The following ATP2B4 variants were observed in gnomAD, a reference collection of about 807,000 sequenced individuals.
ATP2B4 encodes the protein plasma membrane calcium-transporting ATPase 4.
Under a neutral mutation model 110.3 loss-of-function variants are expected in ATP2B4, and 39 were observed. The ratio of observed to expected loss-of-function variants is 0.35; its 90% confidence interval spans 0.27 to 0.46. The LOEUF is 0.46. Among genes scored for constraint, ATP2B4 ranks in the 20% least tolerant of loss-of-function variants. The pLI is 1.00. For synonymous variants in ATP2B4, 538 were observed against 571.7 expected (o/e 0.94, Z 0.84); for missense variants, 1,135 against 1,530.9 (o/e 0.74, Z 4.32).
chr1:203,688,551 C>T (rs539748104), intron 2 of ATP2B4, among the ~76,000 whole-genome samples: 226 of 152,142 alleles, frequency 1.5e-3, no homozygotes, highest in African/African-American at 5.3e-3. Flanking sequence ...ATCTGCCCAC[C>T]TTGGCCCCCC....
chr1:203,646,112 A>ATATACTGAGCC (rs1230355331), intron 1 of ATP2B4, among the ~76,000 whole-genome samples: 8 of 152,086 alleles, frequency 5.3e-5, no homozygotes, highest in Non-Finnish European at 1.2e-4. Context: ...AGGATCTCAC[A>ATATACTGAGCC]TATACTGAGC....
intron 2 of ATP2B4, among the ~76,000 whole-genome samples, chr1:203,686,900 G>A (rs1665209561): frequency 1.3e-5 from 2 of 150,554 alleles, no homozygotes; most frequent in Non-Finnish European, 3.0e-5. Flanking sequence ...TCATCATGTT[G>A]GCCAGGCTGG....
chr1:203,723,457 T>TCTCTCCCCCTCC lies in ATP2B4; in HGVS notation c.3025-421_3025-420insTCCCCCTCCCTC, dbSNP rs1407579331. Among the ~76,000 whole-genome samples the TCTCTCCCCCTCC allele has an allele frequency of 3.5e-5, 4 of 113,576 alleles. No individual in the cohort carries two copies. The East Asian group carries it at 1.1e-3, about 32-fold the overall frequency. The allele number at this position is 113,576 out of a possible 152,430, so 74.5% of individuals were successfully genotyped here. A position where few individuals can be genotyped will look rare whatever the true frequency, so the allele number is the denominator to read the frequency against. On this transcript the variant is annotated intron_variant, in intron 18 of 20. Transcript: ENST00000357681. Reference sequence around the variant, plus strand: ...CTCTCTCTCTCTCTCTCTCTCTCTCTCTCCCTCTGCCTCTCTCTCTCTCTC... The same window carrying TCTCTCCCCCTCC: ...CTCTCTCTCTCTCTCTCTCTCTCTCTCTCTCCCCCTCCCTCCCTCTGCCTCTCTCTCTCTCTC...
intron 1 of ATP2B4, among the ~76,000 whole-genome samples, chr1:203,669,823 C>A (rs755946370): frequency 6.6e-6 from 1 of 152,168 alleles, no homozygotes; most frequent in African/African-American, 2.4e-5. Context: ...TCATTAATTG[C>A]ACAGGTTAGG....
At chr1:203,685,710 C>T (rs1320130263) in intron 2 of ATP2B4, among the ~76,000 whole-genome samples, 7 of 152,118 alleles carry the variant, frequency 4.6e-5, no homozygotes, top group Admixed American at 3.3e-4. Context: ...CATTTACTAA[C>T]TAAGTAGCCC....
chr1:203,630,252 G>T (rs867771112), intron 1 of ATP2B4, among the ~76,000 whole-genome samples: 2 of 152,048 alleles, frequency 1.3e-5, no homozygotes, highest in African/African-American at 4.8e-5. Flanking sequence ...CGGGGTCTGG[G>T]CTGCTCCCTG....
At chr1:203,657,136 G>A in intron 1 of ATP2B4, 1 of 832,090 alleles carries the variant, frequency 1.2e-6, no homozygotes, top group Admixed American at 1.8e-5. Flanking sequence ...ATACGGTGGG[G>A]ATGAGGGATT....
chr1:203,733,371 T>C, intron 20 of ATP2B4: 1 of 1,614,036 alleles, frequency 6.2e-7, no homozygotes, highest in South Asian at 1.1e-5. Context: ...ACCACTTCTG[T>C]TCCTGCTGTT....
At chr1:203,733,704 C>A (rs942230723) in intron 20 of ATP2B4, 2 of 325,652 alleles carry the variant, frequency 6.1e-6, no homozygotes. Context: ...TTTTGCTTTG[C>A]CTTTTTTGTT....
chr1:203,731,872 GA>G (rs1666729390), intron 20 of ATP2B4, among the ~76,000 whole-genome samples: 1 of 88,428 alleles, frequency 1.1e-5, no homozygotes, highest in Non-Finnish European at 2.6e-5. Flanking sequence ...AAAAAAAAAG[GA>G]AGGAGGGAGG....
chr1:203,688,259 C>T (rs751460292), intron 2 of ATP2B4, among the ~76,000 whole-genome samples: 11 of 151,742 alleles, frequency 7.2e-5, no homozygotes, highest in Non-Finnish European at 1.5e-4. Flanking sequence ...GCTGGGATTA[C>T]AGGCATGAGC....
intron 2 of ATP2B4, among the ~76,000 whole-genome samples, chr1:203,697,030 T>C (rs1665554117): frequency 6.6e-6 from 1 of 152,206 alleles, no homozygotes; most frequent in South Asian, 2.1e-4. Flanking sequence ...CCTTTCTTGT[T>C]CTCTTTTTAT....
At chr1:203,645,820 A>C (rs1325570345) in intron 1 of ATP2B4, among the ~76,000 whole-genome samples, 1 of 151,442 alleles carries the variant, frequency 6.6e-6, no homozygotes, top group African/African-American at 2.4e-5. Context: ...TGAACTCCTG[A>C]CCTCGTGATC....
intron 20 of ATP2B4, chr1:203,733,412 T>C: frequency 6.2e-7 from 1 of 1,605,604 alleles, no homozygotes; most frequent in South Asian, 1.1e-5. Context: ...TGAGTGATAG[T>C]CTATTATGAT....
At chr1:203,678,578 A>AT (rs1664900417) in intron 1 of ATP2B4, among the ~76,000 whole-genome samples, 1 of 151,676 alleles carries the variant, frequency 6.6e-6, no homozygotes, top group Non-Finnish European at 1.5e-5. Flanking sequence ...TAATTTTTGT[A>AT]TTTTTTGTAG....
rs188847322 is a variant in ATP2B4 at position 203,684,205 on chromosome 1, A to G, written c.193+807A>G. Among the ~76,000 whole-genome samples the G allele has an allele frequency of 3.9e-5, 6 of 152,204 alleles. No homozygotes were observed. The East Asian group carries it at 7.7e-4, about 20-fold the overall frequency. Reference sequence around the variant, plus strand: ...CAGCTGCCCAATTGAGCACTTCTCTATTGTATACTGTTAGAAATGGGATGA... The same window carrying G: ...CAGCTGCCCAATTGAGCACTTCTCTGTTGTATACTGTTAGAAATGGGATGA... On this transcript the variant is annotated intron_variant, in intron 2 of 20. Coordinates refer to ENST00000357681, the MANE Select transcript of ATP2B4 (RefSeq NM_001684.5).
At position 203,739,621 on chromosome 1, in the gene ATP2B4, A is replaced by C; in HGVS notation, c.3385A>C (p.Ser1129Arg). 1.9e-6 allele frequency: 3 copies of C among 1,614,146 alleles called. No individual in the cohort carries two copies. Among genetic ancestry groups the C allele is most frequent in the Non-Finnish European group, 1.7e-6 (2 of 1,180,012 alleles). Residue 1129 changes from serine to arginine, a missense_variant, in exon 21 of 21, where the codon AGC becomes CGC. Ser to Arg is a moderately radical substitution (Grantham distance 110). Coordinates refer to ENST00000357681, the MANE Select transcript of ATP2B4 (RefSeq NM_001684.5). ...ACCCTACAACCAAAAGTCCATCCACAGCTTCATGACCCACCCTGAATTCGC... is the reference window on the plus strand; with the variant it reads ...ACCCTACAACCAAAAGTCCATCCACCGCTTCATGACCCACCCTGAATTCGC... ...QKPYNQKSIH[S>R]FMTHPEFAIE...
intron 20 of ATP2B4, among the ~76,000 whole-genome samples, chr1:203,737,397 G>C (rs947282461): frequency 6.6e-6 from 1 of 152,200 alleles, no homozygotes; most frequent in African/African-American, 2.4e-5. Flanking sequence ...TGTGGGCTAT[G>C]TTATCACTCC....
At chr1:203,628,845 TGCTGAGTTACCCTCCTTG>T (rs1200602505) in intron 1 of ATP2B4, among the ~76,000 whole-genome samples, 3 of 152,090 alleles carry the variant, frequency 2.0e-5, no homozygotes, top group Non-Finnish European at 4.4e-5. Flanking sequence ...CTAGCCCATG[TGCTGAGTTACCCTCCTTG>T]GCTGAGGGTG....
Sources: gnomAD v4.1 joint callset for allele counts (sites outside exome capture counted in the v4.1 genomes callset) on GRCh38, gnomAD v4.1.1 for gene constraint, MANE v1.5 for transcripts, NCBI Gene and HGNC (gene_info 2026-07-23, HGNC 2026-07-21) for gene names.